FBN1: variants seen among roughly 807,000 people sequenced by gnomAD.
The protein encoded by FBN1 is fibrillin 1.
FBN1 carries 29 observed loss-of-function variants against 365.1 expected under a neutral mutation model. The observed-to-expected ratio is 0.08, with a 90% CI of 0.06 to 0.11. The LOEUF (loss-of-function observed/expected upper bound fraction) is 0.11, where lower values mean the gene tolerates loss of function less well. Among genes scored for constraint, FBN1 ranks in the 10% least tolerant of loss-of-function variants. The pLI, the probability that FBN1 is intolerant of heterozygous loss-of-function variation, is 1.00. For missense variants in FBN1, 2,476 were observed against 3,703.2 expected, an observed-to-expected ratio of 0.67 and a Z score of 8.60; for synonymous variants, 1,210 against 1,270.5, an observed-to-expected ratio of 0.95 and a Z score of 1.01.
chr15:48,474,223 T>A (rs764368102), intron 34 of FBN1, 32 bp downstream of exon 34: 1 of 1,613,906 alleles, frequency 6.2e-7, no homozygotes, highest in Admixed American at 1.7e-5. Flanking sequence ...CTCTGACTAG[T>A]GTTGACACAG....
chr15:48,500,003 A>G (rs1292930155), intron 17 of FBN1, among the ~76,000 whole-genome samples: 3 of 152,178 alleles, frequency 2.0e-5, no homozygotes, highest in Non-Finnish European at 4.4e-5. Context: ...ATGACATTGG[A>G]GGTAAATGAG....
At chr15:48,457,025 T>C (rs904680140) in intron 43 of FBN1, among the ~76,000 whole-genome samples, 9 of 152,140 alleles carry the variant, frequency 5.9e-5, no homozygotes, top group Admixed American at 5.2e-4. Flanking sequence ...AGGTAGGAGA[T>C]ATCTTTGTAT....
chr15:48,422,089 G>C, intron 60 of FBN1, 21 bp from the exon 61 acceptor site: 1 of 1,534,000 alleles, frequency 6.5e-7, no homozygotes, highest in Non-Finnish European at 9.0e-7. Context: ...ATGCAAGAGA[G>C]GCATTTGAGT....
At chr15:48,505,398 C>T (rs1459913422) in intron 15 of FBN1, among the ~76,000 whole-genome samples, 1 of 151,956 alleles carries the variant, frequency 6.6e-6, no homozygotes, top group East Asian at 1.9e-4. Flanking sequence ...TTTTTGTATC[C>T]AAAATAATCA....
At chr15:48,476,452 A>C (rs2043418784) in intron 32 of FBN1, among the ~76,000 whole-genome samples, 1 of 152,078 alleles carries the variant, frequency 6.6e-6, no homozygotes, top group Non-Finnish European at 1.5e-5. Context: ...CCATTCTCCC[A>C]ATCTCAGTTT....
At chr15:48,597,141 G>A (rs553367031) in intron 5 of FBN1, among the ~76,000 whole-genome samples, 24 of 152,136 alleles carry the variant, frequency 1.6e-4, no homozygotes, top group Non-Finnish European at 3.1e-4. Context: ...GCTCCATGAG[G>A]CTCCCCCAAA....
chr15:48,426,957 A>G (rs2042983610), intron 58 of FBN1, among the ~76,000 whole-genome samples: 1 of 152,144 alleles, frequency 6.6e-6, no homozygotes, highest in Non-Finnish European at 1.5e-5. Flanking sequence ...AAGAAGCTCA[A>G]AAAAGCTCTC....
At chr15:48,576,582 G>A (rs2044349518) in intron 6 of FBN1, among the ~76,000 whole-genome samples, 1 of 152,190 alleles carries the variant, frequency 6.6e-6, no homozygotes. Flanking sequence ...GAGGGAGGGA[G>A]AGATAGATGC....
At chr15:48,420,911 T>C (rs2042936328) in intron 62 of FBN1, 105 bp from the exon 63 acceptor site, 3 of 1,328,816 alleles carry the variant, frequency 2.3e-6, no homozygotes, top group Admixed American at 3.7e-5. Context: ...CACATTATTC[T>C]ACCACCAAAA....
At position 48,487,095 on chromosome 15, in the gene FBN1, G is replaced by C. The variant is rs2043514137; in HGVS notation, c.3569C>G (p.Pro1190Arg). 6.2e-7 allele frequency: 1 copy of C among 1,613,368 alleles called. No individual in the cohort carries two copies. The highest frequency in any genetic ancestry group is 1.7e-5 in the Admixed American group (1 of 59,978). ...CTTACCAACACAAAATAGCCTATCG[G>C]GAGTTGAATGGTAGCCAGGGTTGCA... ...CACNPGYHST[P>R]DRLFCVDIDE... is the part of the protein sequence containing the mutation. Residue 1190 changes from proline to arginine, a missense_variant, in exon 29 of 66, where the codon CCC (proline) becomes CGC (arginine). Physicochemically the swap from Pro to Arg is moderately radical, Grantham distance 103. Around this residue, in one of 5 missense-constraint regions of FBN1, gnomAD observed 1,780 missense variants for 2,840.8 expected, o/e 0.63. Transcript: ENST00000316623.
At chr15:48,535,363 T>C (rs1296285809) in intron 7 of FBN1, among the ~76,000 whole-genome samples, 1 of 152,256 alleles carries the variant, frequency 6.6e-6, no homozygotes, top group Non-Finnish European at 1.5e-5. Context: ...TTTTCTTCAC[T>C]GTTGTATAAC....
intron 32 of FBN1, among the ~76,000 whole-genome samples, chr15:48,475,460 T>C (rs1023279040): frequency 6.6e-6 from 1 of 152,194 alleles, no homozygotes; most frequent in East Asian, 1.9e-4. Context: ...CATAAATATG[T>C]TACAGAAAAG....
intron 65 of FBN1, 150 bp from the exon 66 acceptor site, chr15:48,411,529 A>G (rs2042864088): frequency 1.4e-6 from 1 of 703,342 alleles, no homozygotes; most frequent in Non-Finnish European, 2.5e-6. Context: ...TTAGACCACA[A>G]GTGTATTAAA....
chr15:48,565,625 T>TAA lies in FBN1; in HGVS notation c.539-27819_539-27818dup, dbSNP rs35240803. Among the ~76,000 whole-genome samples, 32 of 138,988 alleles carry TAA rather than the reference T, an allele frequency of 2.3e-4. No individual in the cohort carries two copies. In the East Asian group the frequency reaches 5.0e-3, roughly 22 times the overall value. 91.2% of individuals were successfully genotyped at this position (138,988 alleles called of 152,430 possible). ...ATTATTTAAATGATGTTCAATGTGA[T>TAA]AAAAAAAAAAAAAGAAAAAGAAAAT... On this transcript the variant is annotated intron_variant, in intron 6 of 65. Transcript: ENST00000316623.
rs1183239805 is a variant in FBN1, at chr15:48,523,294, A to G, written c.989-2477T>C. ...GCAAAACTAGGGCCTACAGTTGCCA[A>G]TGACAAAAGCTTAATGGGCTAATGT... On this transcript the variant is annotated intron_variant, in intron 9 of 65. Transcript: ENST00000316623. 8.5e-5 allele frequency among the ~76,000 whole-genome samples: 13 copies of G among 152,254 alleles called. 1 individual carries two copies. The highest frequency in any genetic ancestry group is 7.8e-4 in the Admixed American group (12 of 15,290).
chr15:48,415,795 G>C (rs781207413), intron 63 of FBN1, 28 bp from the exon 64 acceptor site: 2 of 1,574,876 alleles, frequency 1.3e-6, no homozygotes, highest in African/African-American at 1.3e-5. Flanking sequence ...AGCGGCATGT[G>C]TGGCAGCAGC....
intron 27 of FBN1, among the ~76,000 whole-genome samples, chr15:48,487,648 C>T (rs1473106385): frequency 1.3e-5 from 2 of 152,162 alleles, no homozygotes; most frequent in Non-Finnish European, 2.9e-5. Flanking sequence ...TCTTCTCCTG[C>T]ACTACCCTGC....
At chr15:48,582,122 A>G (rs1344274603) in intron 6 of FBN1, among the ~76,000 whole-genome samples, 1 of 152,236 alleles carries the variant, frequency 6.6e-6, no homozygotes, top group East Asian at 1.9e-4. Flanking sequence ...GGAAAAAACT[A>G]TCGGCTAAAA....
chr15:48,508,561 C>A lies in FBN1; in HGVS notation c.1837+21G>T. On this transcript the variant is annotated intron_variant, in intron 15 of 65. Transcript: ENST00000316623. The stretch of plus-strand genomic sequence containing the variant: ...AGAAAAGGCACGTGAAGAACATGAT[C>A]TAGGGTTTTATAGCACGAACCTTTG... 1.9e-6 allele frequency: 3 copies of A among 1,613,568 alleles called. No homozygotes were observed. The Admixed American group carries it at 5.0e-5, about 27-fold the overall frequency.
Sources: allele counts gnomAD v4.1 joint callset (sites outside exome capture counted in the v4.1 genomes callset), GRCh38; gene constraint gnomAD v4.1.1; regional missense constraint gnomAD v4.1.1; transcripts MANE v1.5; gene names NCBI Gene and HGNC (gene_info 2026-07-23, HGNC 2026-07-21).